The following POF1B variants were observed in gnomAD, a reference collection of about 807,000 sequenced individuals.
POF1B encodes the protein POF1B actin binding protein, also known as protein POF1B.
Under a neutral mutation model 55.3 loss-of-function variants are expected in POF1B, and 53 were observed. The ratio of observed to expected loss-of-function variants is 0.96; its 90% CI spans 0.77 to 1.20. POF1B has a LOEUF of 1.20. Among genes scored for constraint, POF1B ranks in the 50% most tolerant of loss-of-function variants. The probability of loss-of-function intolerance (pLI) is 0.00; values close to 1 mark genes in which losing one functional copy is unlikely to be tolerated. For synonymous variants in POF1B, 188 were observed against 148.3 expected, an observed-to-expected ratio of 1.27 and a Z score of -1.95; for missense variants, 478 against 420.5, an observed-to-expected ratio of 1.14 and a Z score of -1.20.
chrX:85,353,426 A>T (rs1452516205), intron 4 of POF1B, among the ~76,000 whole-genome samples: 1 of 110,721 alleles, frequency 9.0e-6, no homozygotes, highest in Non-Finnish European at 1.9e-5. Context: ...AATCAAAAAC[A>T]GTACTGTTCA....
In POF1B at chrX:85,305,874, T is replaced by C. The variant is rs1028934406; in HGVS notation, c.1354A>G (p.Lys452Glu). Residue 452 changes from lysine (K) to glutamate (E), a missense_variant, in exon 13 of 17, where the codon AAA becomes GAA. Coordinates refer to ENST00000262753, the MANE Select transcript of POF1B (RefSeq NM_024921.4). The part of the protein sequence containing the change: ...ETCTGPMLQA[K>E]MDEIGNHYTE... Reference sequence around the variant, plus strand: ...TAGTGGTTGCCAATCTCATCCATTTTAGCCTGCAACATTGGGCCTGTGCAA... The same window carrying C: ...TAGTGGTTGCCAATCTCATCCATTTCAGCCTGCAACATTGGGCCTGTGCAA... 1 of 1,208,423 alleles carries C rather than the reference T, an allele frequency of 8.3e-7. No homozygotes were observed. Among genetic ancestry groups the C allele is most frequent in the African/African-American group, 1.8e-5 (1 of 57,113 alleles).
At chrX:85,283,936 A>C (rs1026214919) in intron 15 of POF1B, among the ~76,000 whole-genome samples, 3 of 111,646 alleles carry the variant, frequency 2.7e-5, no homozygotes, top group Non-Finnish European at 5.7e-5. Flanking sequence ...AATCTCCTTA[A>C]GCTGATAAGC....
At chrX:85,347,145 T>C (rs1204814678) in intron 5 of POF1B, among the ~76,000 whole-genome samples, 2 of 111,378 alleles carry the variant, frequency 1.8e-5, no homozygotes, top group African/African-American at 3.3e-5. Context: ...TTTGCTTTCT[T>C]ATCTTGTGAT....
chrX:85,349,348 G>C (rs1461802063), intron 5 of POF1B, among the ~76,000 whole-genome samples: 1 of 111,002 alleles, frequency 9.0e-6, no homozygotes, highest in Non-Finnish European at 1.9e-5. Flanking sequence ...CGTTTGATTT[G>C]CATATGAAAA....
intron 10 of POF1B, 108 bp downstream of exon 10, chrX:85,308,016 T>C: frequency 4.9e-6 from 2 of 408,092 alleles, no homozygotes; most frequent in Non-Finnish European, 8.4e-6. Context: ...TGAATAAGCA[T>C]AATATTGTGC....
chrX:85,372,001 A>G (rs1345039690), intron 2 of POF1B, among the ~76,000 whole-genome samples: 1 of 111,980 alleles, frequency 8.9e-6, no homozygotes, highest in Non-Finnish European at 1.9e-5. Flanking sequence ...CAGACTTGCT[A>G]TATACACAAA....
intron 2 of POF1B, among the ~76,000 whole-genome samples, chrX:85,378,640 G>A (rs1933959833): frequency 1.8e-5 from 2 of 111,799 alleles, no homozygotes; most frequent in South Asian, 7.4e-4. Flanking sequence ...GATAAAAAGT[G>A]TGTCATTCTT....
Position 85,282,382 on chromosome X carries a change from C to T in POF1B, c.1650-65G>A, listed in dbSNP as rs1282085468. 4.9e-6 allele frequency: 4 copies of T among 816,485 alleles called. No individual in the cohort carries two copies. The African/African-American group carries it at 8.6e-5, about 17-fold the overall frequency. The allele number at this position is 816,485 out of a possible 1,213,427, so 67.3% of individuals were successfully genotyped here. A position where few individuals can be genotyped will look rare whatever the true frequency, so the allele number is the denominator to read the frequency against. ...AAAATAACTTTCATTCCTTTTTAGTCACTCCTAGTTTGATTGCCCTAATTA... is the reference window on the plus strand; with the variant it reads ...AAAATAACTTTCATTCCTTTTTAGTTACTCCTAGTTTGATTGCCCTAATTA... On this transcript the variant is annotated intron_variant, in intron 15 of 16. Coordinates refer to ENST00000262753, the MANE Select transcript of POF1B (RefSeq NM_024921.4).
chrX:85,290,531 G>A (rs530065353), intron 15 of POF1B, among the ~76,000 whole-genome samples: 4 of 111,545 alleles, frequency 3.6e-5, no homozygotes, highest in African/African-American at 1.3e-4. Context: ...TCTCCAAACC[G>A]CTTTCCACAG....
In POF1B at chrX:85,344,612, A is replaced by C. The variant is rs190081673; in HGVS notation, c.723+1248T>G. 2.1e-4 allele frequency among the ~76,000 whole-genome samples: 23 copies of C among 111,580 alleles called. No homozygotes were observed. In the East Asian group the frequency reaches 4.6e-3, roughly 22 times the overall value. Reference sequence around the variant, plus strand: ...ACCAGTTTCAACCTACAAAAATGACAATTTCAAATGATCTAATCTAATAAA... The same window carrying C: ...ACCAGTTTCAACCTACAAAAATGACCATTTCAAATGATCTAATCTAATAAA... On this transcript the variant is annotated intron_variant, in intron 6 of 16. Coordinates refer to ENST00000262753, the MANE Select transcript of POF1B (RefSeq NM_024921.4).
chrX:85,308,747 A>G (rs1932632992), intron 9 of POF1B, among the ~76,000 whole-genome samples: 1 of 111,222 alleles, frequency 9.0e-6, no homozygotes, highest in Admixed American at 9.5e-5. Context: ...GCATGATCTC[A>G]GTTCACTGCA....
intron 6 of POF1B, among the ~76,000 whole-genome samples, chrX:85,334,815 T>A (rs1304650810): frequency 9.0e-6 from 1 of 111,624 alleles, no homozygotes. Flanking sequence ...GTAGGTGGAC[T>A]TTTCTTGCTA....
At chrX:85,372,772 A>ATATATATATATATATATATATATAT (rs1193270205) in intron 2 of POF1B, among the ~76,000 whole-genome samples, 2 of 101,476 alleles carry the variant, frequency 2.0e-5, no homozygotes, top group African/African-American at 7.2e-5. Flanking sequence ...TATTATATAT[A>ATATATATATATATATATATATATAT]CTATATATAT....
chrX:85,325,773 C>T (rs1458830495), intron 7 of POF1B, among the ~76,000 whole-genome samples: 1 of 111,966 alleles, frequency 8.9e-6, no homozygotes, highest in Admixed American at 9.5e-5. Flanking sequence ...TGCCAGAGTT[C>T]TTGCACTGGT....
At chrX:85,299,540 G>A (rs1404406172) in intron 15 of POF1B, among the ~76,000 whole-genome samples, 1 of 102,689 alleles carries the variant, frequency 9.7e-6, no homozygotes, top group Non-Finnish European at 2.0e-5. Flanking sequence ...CGCCCGCCTC[G>A]GCCTCCCAAA....
intron 15 of POF1B, among the ~76,000 whole-genome samples, chrX:85,285,328 G>T (rs1932023652): frequency 9.0e-6 from 1 of 111,125 alleles, no homozygotes; most frequent in Non-Finnish European, 1.9e-5. Context: ...TATAAATCAT[G>T]CTGCTATAAA....
intron 3 of POF1B, among the ~76,000 whole-genome samples, chrX:85,363,578 A>T (rs1435343693): frequency 1.8e-5 from 2 of 111,498 alleles, no homozygotes; most frequent in African/African-American, 6.5e-5. Flanking sequence ...TAAAACTTTG[A>T]CTTCTATTTT....
At chrX:85,371,748 C>T (rs1446915041) in intron 2 of POF1B, among the ~76,000 whole-genome samples, 2 of 111,097 alleles carry the variant, frequency 1.8e-5, no homozygotes, top group African/African-American at 3.3e-5. Flanking sequence ...AATAAGACAC[C>T]CACCCACAAG....
At chrX:85,326,982 C>A (rs937553167) in intron 7 of POF1B, among the ~76,000 whole-genome samples, 1 of 110,732 alleles carries the variant, frequency 9.0e-6, no homozygotes, top group Non-Finnish European at 1.9e-5. Context: ...GACTACCCTG[C>A]AACGTTTAGG....
Sources: gnomAD v4.1 joint callset for allele counts (sites outside exome capture counted in the v4.1 genomes callset) on GRCh38, gnomAD v4.1.1 for gene constraint, MANE v1.5 for transcripts, NCBI Gene and HGNC (gene_info 2026-07-23, HGNC 2026-07-21) for gene names.